DOCK3: variants seen among roughly 807,000 people sequenced by gnomAD.
DOCK3 encodes dedicator of cytokinesis protein 3.
In DOCK3, 60 loss-of-function variants were observed where a neutral mutation model predicts 265.6. The observed-to-expected ratio is 0.23, with a 90% CI of 0.18 to 0.28. The LOEUF (loss-of-function observed/expected upper bound fraction) is 0.28, where lower values mean the gene tolerates loss of function less well. DOCK3 is among the 10% of genes least tolerant of loss of function. DOCK3 has a pLI of 1.00. For synonymous variants in DOCK3, 881 were observed against 938.0 expected (o/e 0.94, Z 1.11); for missense variants, 1,981 against 2,594.3 (o/e 0.76, Z 5.14).
chr3:50,808,476 T>C (rs987910638), intron 2 of DOCK3, among the ~76,000 whole-genome samples: 2 of 152,224 alleles, frequency 1.3e-5, no homozygotes, highest in South Asian at 2.1e-4. Flanking sequence ...ATTAAGACTG[T>C]GATTTGGGGT....
intron 9 of DOCK3, among the ~76,000 whole-genome samples, chr3:51,118,546 T>C (rs1368325820): frequency 6.6e-6 from 1 of 152,198 alleles, no homozygotes; most frequent in African/African-American, 2.4e-5. Flanking sequence ...CTGTCTAATA[T>C]TGACAGTGGG....
At chr3:51,073,170 A>G (rs1480914727) in intron 6 of DOCK3, among the ~76,000 whole-genome samples, 1 of 152,190 alleles carries the variant, frequency 6.6e-6, no homozygotes, top group African/African-American at 2.4e-5. Context: ...GTTTAATGTG[A>G]CTACAGAAAA....
At chr3:50,766,511 T>C (rs2040887760) in intron 1 of DOCK3, among the ~76,000 whole-genome samples, 1 of 152,068 alleles carries the variant, frequency 6.6e-6, no homozygotes, top group Non-Finnish European at 1.5e-5. Flanking sequence ...TTTTCTTAAT[T>C]CAGTCTATCA....
chr3:51,381,467 C>G lies in DOCK3; in HGVS notation c.6001C>G (p.Arg2001Gly). ...GCTGCGTGAAGAGACTGAGAGGCCT[C>G]GAGGCCTGCACCGCAAGGCTCCATT... ...VLLREETERP[R>G]GLHRKAPLPP... The change falls in exon 53 of 53, where the codon CGA becomes GGA. Residue 2001 changes from arginine (R) to glycine (G), a missense_variant. Arg to Gly is a moderately radical substitution (Grantham distance 125). Around this residue, in one of 4 missense-constraint regions of DOCK3, gnomAD observed 149 missense variants for 144.7 expected, o/e 1.03. Coordinates refer to ENST00000266037, the MANE Select transcript of DOCK3 (RefSeq NM_004947.5). The surrounding 1 kb of genome is among the most constrained non-coding windows in gnomAD (Gnocchi z 5.6). The G allele has an allele frequency of 6.3e-7, 1 of 1,596,828 alleles. No homozygotes were observed. The highest frequency in any genetic ancestry group is 8.5e-7 in the Non-Finnish European group (1 of 1,172,362).
At chr3:51,268,049 G>T (rs2080295627) in intron 23 of DOCK3, among the ~76,000 whole-genome samples, 1 of 152,128 alleles carries the variant, frequency 6.6e-6, no homozygotes, top group African/African-American at 2.4e-5. Context: ...TAGATGATGG[G>T]TTGATGGGTG....
intron 24 of DOCK3, among the ~76,000 whole-genome samples, chr3:51,272,117 A>G (rs1010157146): frequency 6.6e-6 from 1 of 152,224 alleles, no homozygotes; most frequent in Non-Finnish European, 1.5e-5. Flanking sequence ...AGGGACAACC[A>G]AATGCTCAAT....
At chr3:51,126,419 C>T (rs2084268784) in intron 9 of DOCK3, among the ~76,000 whole-genome samples, 1 of 152,196 alleles carries the variant, frequency 6.6e-6, no homozygotes, top group Admixed American at 6.5e-5. Context: ...ACTTAACTTT[C>T]AGCTGAGGAA....
chr3:50,927,651 T>C (rs2050832230), intron 4 of DOCK3, among the ~76,000 whole-genome samples: 1 of 152,238 alleles, frequency 6.6e-6, no homozygotes, highest in African/African-American at 2.4e-5. Context: ...TACCAAGTTG[T>C]CGTTTTTTCA....
At chr3:51,273,449 G>A (rs1456191177) in intron 24 of DOCK3, among the ~76,000 whole-genome samples, 1 of 152,186 alleles carries the variant, frequency 6.6e-6, no homozygotes, top group African/African-American at 2.4e-5. Context: ...CCTTTAACCA[G>A]CACTGGTATT....
chr3:51,080,265 T>C (rs1031501246), intron 7 of DOCK3, among the ~76,000 whole-genome samples: 3 of 152,266 alleles, frequency 2.0e-5, no homozygotes, highest in Non-Finnish European at 2.9e-5. Flanking sequence ...TTTACAGGGC[T>C]GAAAATGATT....
chr3:50,960,809 C>T (rs1412154073), intron 5 of DOCK3, among the ~76,000 whole-genome samples: 1 of 152,026 alleles, frequency 6.6e-6, no homozygotes, highest in Non-Finnish European at 1.5e-5. Context: ...ATAATAATAG[C>T]TTTTATATTT....
chr3:50,785,328 G>T (rs1444210701), intron 2 of DOCK3, among the ~76,000 whole-genome samples: 1 of 152,044 alleles, frequency 6.6e-6, no homozygotes, highest in Non-Finnish European at 1.5e-5. Flanking sequence ...TTGTCTGATT[G>T]CTGTGGCTAG....
chr3:50,811,503 AT>A (rs2043753748), intron 2 of DOCK3, among the ~76,000 whole-genome samples: 1 of 152,232 alleles, frequency 6.6e-6, no homozygotes, highest in South Asian at 2.1e-4. Context: ...AATCAGAATG[AT>A]AAATGATTTT....
At chr3:51,358,212 C>T in intron 46 of DOCK3, 135 bp downstream of exon 46, 2 of 786,386 alleles carry the variant, frequency 2.5e-6, no homozygotes. Context: ...AGGCTGTCCT[C>T]CCTACAGAGG....
chr3:50,770,673 A>C (rs2041218299), intron 1 of DOCK3, among the ~76,000 whole-genome samples: 1 of 152,206 alleles, frequency 6.6e-6, no homozygotes, highest in Non-Finnish European at 1.5e-5. Context: ...GAGGAATCGC[A>C]TTACCTGACT....
chr3:51,195,945 GT>G (rs925648401), intron 12 of DOCK3, among the ~76,000 whole-genome samples: 1 of 149,484 alleles, frequency 6.7e-6, no homozygotes, highest in Non-Finnish European at 1.5e-5. Flanking sequence ...GTTGTTTTTT[GT>G]TTTTTTTGAA....
intron 2 of DOCK3, among the ~76,000 whole-genome samples, chr3:50,781,270 T>C (rs1268278455): frequency 1.4e-5 from 2 of 146,402 alleles, no homozygotes; most frequent in African/African-American, 5.0e-5. Flanking sequence ...AGTAGTTCTT[T>C]TTTTTTTTTT....
chr3:50,725,242 GTAAA>G (rs2037742402), intron 1 of DOCK3, among the ~76,000 whole-genome samples: 1 of 152,114 alleles, frequency 6.6e-6, no homozygotes, highest in South Asian at 2.1e-4. Context: ...CAAATGGTGG[GTAAA>G]TAGAGATACT....
chr3:51,381,901 C>T lies in DOCK3; in HGVS notation c.*342C>T. On this transcript the variant is annotated 3_prime_UTR_variant, in exon 53 of 53. Transcript: ENST00000266037. This position sits in a 1 kb window ranked among gnomAD's most constrained non-coding sequence, Gnocchi z 5.6. ...TTGCACAGACAGAATCACTTTGCCA[C>T]ACTGCAGGGCCCAGGAGTGGGAGCC... 1 of 218,102 alleles carries T rather than the reference C, an allele frequency of 4.6e-6. No homozygotes were observed. Among genetic ancestry groups the T allele is most frequent in the Non-Finnish European group, 9.1e-6 (1 of 110,356 alleles). 13.5% of individuals were successfully genotyped at this position (218,102 alleles called of 1,614,324 possible). A position where few individuals can be genotyped will look rare whatever the true frequency, so the allele number is the denominator to read the frequency against.
Sources: gnomAD v4.1 joint callset for allele counts (sites outside exome capture counted in the v4.1 genomes callset) on GRCh38, gnomAD v4.1.1 for gene constraint, gnomAD v4.1.1 regional missense constraint, Gnocchi (gnomAD v3.1) non-coding constraint, MANE v1.5 for transcripts, NCBI Gene and HGNC (gene_info 2026-07-23, HGNC 2026-07-21) for gene names.